Variants in NCKAP5 observed in about 807,000 individuals in gnomAD.
NCKAP5 encodes the protein NCK associated protein 5.
Under a neutral mutation model 167.0 loss-of-function variants are expected in NCKAP5, and 92 were observed. The observed-to-expected ratio is 0.55, with a 90% CI of 0.47 to 0.66. The LOEUF (loss-of-function observed/expected upper bound fraction) is 0.66. Among genes scored for constraint, NCKAP5 ranks in the 30% least tolerant of loss-of-function variants. The pLI is 0.00. For missense variants in NCKAP5, 2,378 were observed against 2,315.0 expected (o/e 1.03, Z -0.56); for synonymous variants, 891 against 877.4 (o/e 1.02, Z -0.27).
At chr2:133,133,481 C>G (rs72617004) in intron 5 of NCKAP5, among the ~76,000 whole-genome samples, 9,761 of 152,292 alleles carry the variant, frequency 0.064, 393 homozygotes, top group East Asian at 0.18. Flanking sequence ...AGAACACAAG[C>G]AACAGCTCAA....
intron 19 of NCKAP5, among the ~76,000 whole-genome samples, chr2:132,709,622 C>T (rs1688666286): frequency 1.3e-5 from 2 of 152,042 alleles, no homozygotes; most frequent in Non-Finnish European, 2.9e-5. Context: ...TAAAATTTAT[C>T]AGAATTGATA....
intron 5 of NCKAP5, among the ~76,000 whole-genome samples, chr2:133,170,993 T>C (rs1015019845): frequency 2.0e-5 from 3 of 152,142 alleles, no homozygotes; most frequent in Admixed American, 6.5e-5. Context: ...TCCTGATAGA[T>C]TAATATATTA....
intron 3 of NCKAP5, among the ~76,000 whole-genome samples, chr2:133,513,679 T>C (rs1683698913): frequency 6.6e-6 from 1 of 152,186 alleles, no homozygotes. Context: ...GTCCTTTTTT[T>C]CCTCTACAAG....
intron 8 of NCKAP5, among the ~76,000 whole-genome samples, chr2:132,939,496 C>T (rs1220872908): frequency 1.3e-5 from 2 of 152,302 alleles, no homozygotes; most frequent in East Asian, 1.9e-4. Context: ...TGCTTATAAA[C>T]ATGAAAGGGA....
At chr2:133,093,471 C>G (rs960054217) in intron 6 of NCKAP5, among the ~76,000 whole-genome samples, 17 of 152,184 alleles carry the variant, frequency 1.1e-4, no homozygotes, top group African/African-American at 3.9e-4. Flanking sequence ...GCACAAAACT[C>G]AAAGTCAGTA....
chr2:133,056,900 T>A (rs1221112169), intron 6 of NCKAP5, among the ~76,000 whole-genome samples: 4 of 152,184 alleles, frequency 2.6e-5, no homozygotes, highest in Admixed American at 2.6e-4. Flanking sequence ...GATTTTTTTT[T>A]AAACAAATCA....
At chr2:132,832,971 G>T (rs1687625889) in intron 11 of NCKAP5, among the ~76,000 whole-genome samples, 1 of 152,016 alleles carries the variant, frequency 6.6e-6, no homozygotes, top group Non-Finnish European at 1.5e-5. Context: ...TTCCATAAAG[G>T]TTGCACTAAT....
intron 11 of NCKAP5, among the ~76,000 whole-genome samples, chr2:132,856,207 A>G (rs960253060): frequency 2.0e-5 from 3 of 151,848 alleles, no homozygotes; most frequent in African/African-American, 7.3e-5. Context: ...CTTATATGTT[A>G]TTTTCCTTTA....
intron 5 of NCKAP5, among the ~76,000 whole-genome samples, chr2:133,169,656 C>A (rs764266778): frequency 6.6e-6 from 1 of 152,146 alleles, no homozygotes; most frequent in African/African-American, 2.4e-5. Flanking sequence ...GGCTCCCACT[C>A]GCAGTTATTA....
At chr2:133,078,101 A>C (rs2080673119) in intron 6 of NCKAP5, among the ~76,000 whole-genome samples, 1 of 152,172 alleles carries the variant, frequency 6.6e-6, no homozygotes, top group Non-Finnish European at 1.5e-5. Context: ...GCTGTCCCAG[A>C]CTAGGGAGAG....
At chr2:133,557,031 A>G (rs1044993411) in intron 2 of NCKAP5, among the ~76,000 whole-genome samples, 5 of 152,200 alleles carry the variant, frequency 3.3e-5, no homozygotes, top group Non-Finnish European at 4.4e-5. Context: ...TAAGCTCAAT[A>G]GAGGGTAAAA....
At chr2:132,962,642 G>C (rs1413074256) in intron 8 of NCKAP5, among the ~76,000 whole-genome samples, 2 of 152,090 alleles carry the variant, frequency 1.3e-5, no homozygotes, top group South Asian at 2.1e-4. Context: ...CCAGGCTGGA[G>C]TGCAGTGGCG....
At chr2:133,595,315 T>TA in the NCKAP5 span, among the ~76,000 whole-genome samples, 42 of 152,114 alleles carry the variant, frequency 2.8e-4, no homozygotes, top group Admixed American at 1.7e-3. Flanking sequence ...ACTACTCTAT[T>TA]ATCTTCACCT....
chr2:132,787,657 A>G (rs1179321751), intron 13 of NCKAP5, among the ~76,000 whole-genome samples: 2 of 152,146 alleles, frequency 1.3e-5, no homozygotes, highest in African/African-American at 4.8e-5. Flanking sequence ...CACCGTCAGA[A>G]GTTGCTGGCA....
intron 8 of NCKAP5, among the ~76,000 whole-genome samples, chr2:132,904,469 T>C (rs561140949): frequency 3.9e-4 from 59 of 152,270 alleles, no homozygotes; most frequent in Non-Finnish European, 7.4e-4. Context: ...GCAAGGATTA[T>C]GCTTAAACAT....
At chr2:133,052,646 A>G (rs190603475) in intron 6 of NCKAP5, among the ~76,000 whole-genome samples, 31 of 151,210 alleles carry the variant, frequency 2.1e-4, no homozygotes, top group Non-Finnish European at 3.1e-4. Flanking sequence ...TGAACCCGGG[A>G]GGCAGAGGTT....
At chr2:132,805,922 C>T (rs1353530507) in intron 11 of NCKAP5, among the ~76,000 whole-genome samples, 6 of 152,120 alleles carry the variant, frequency 3.9e-5, no homozygotes, top group Non-Finnish European at 8.8e-5. Context: ...TTATCCCTCG[C>T]CCCCTTCCCA....
chr2:133,033,082 C>T (rs2078932572), intron 6 of NCKAP5, among the ~76,000 whole-genome samples: 1 of 152,200 alleles, frequency 6.6e-6, no homozygotes, highest in Non-Finnish European at 1.5e-5. Flanking sequence ...CAAAGTCTAA[C>T]CTGCACAGTC....
intron 11 of NCKAP5, among the ~76,000 whole-genome samples, chr2:132,854,990 G>A (rs541640980): frequency 1.3e-4 from 20 of 152,252 alleles, no homozygotes; most frequent in Middle Eastern, 3.4e-3. Context: ...GAAGTGTGAA[G>A]CAAGTCTATA....
Sources: allele counts gnomAD v4.1 joint callset (sites outside exome capture counted in the v4.1 genomes callset), GRCh38; gene constraint gnomAD v4.1.1; transcripts MANE v1.5; gene names NCBI Gene and HGNC (gene_info 2026-07-23, HGNC 2026-07-21).